The following KLF8 variants were observed in gnomAD, a reference collection of about 807,000 sequenced individuals.
KLF8 encodes the protein KLF transcription factor 8.
A neutral mutation model predicts 18.2 loss-of-function variants in KLF8; 10 were observed. That is an observed-to-expected ratio of 0.55 (90% CI 0.34 to 0.93). KLF8 has a LOEUF of 0.93. Ranked by LOEUF, KLF8 falls within the 40% of genes least tolerant of loss-of-function variation. The pLI, the probability that KLF8 is intolerant of heterozygous loss-of-function variation, is 0.02. For synonymous variants in KLF8, 109 were observed against 97.3 expected, an observed-to-expected ratio of 1.12 and a Z score of -0.71; for missense variants, 264 against 277.9, an observed-to-expected ratio of 0.95 and a Z score of 0.36.
intron 2 of KLF8, among the ~76,000 whole-genome samples, chrX:56,254,813 C>T (rs1047660429): frequency 2.7e-5 from 3 of 111,465 alleles, no homozygotes; most frequent in Non-Finnish European, 5.6e-5. Flanking sequence ...CCTCTTTCTG[C>T]CAGCTGAGCC....
chrX:55,955,992 T>C, the KLF8 span, among the ~76,000 whole-genome samples: 1 of 111,398 alleles, frequency 9.0e-6, no homozygotes, highest in South Asian at 3.7e-4. Context: ...AGAGGAGATA[T>C]GCACTGACCA....
At chrX:56,088,055 C>A in the KLF8 span, among the ~76,000 whole-genome samples, 1 of 111,090 alleles carries the variant, frequency 9.0e-6, no homozygotes, top group African/African-American at 3.3e-5. Context: ...AATCCACATA[C>A]AATTGCCTTG....
At chrX:55,974,341 TAGAAAA>T in the KLF8 span, among the ~76,000 whole-genome samples, 2 of 110,496 alleles carry the variant, frequency 1.8e-5, no homozygotes, top group Non-Finnish European at 3.8e-5. Context: ...GAAACAGAAA[TAGAAAA>T]AGAGTTGTAG....
At chrX:56,083,450 T>C in the KLF8 span, among the ~76,000 whole-genome samples, 1 of 112,397 alleles carries the variant, frequency 8.9e-6, no homozygotes, top group African/African-American at 3.2e-5. Context: ...TTAAAGATTC[T>C]AGAACATGCC....
chrX:55,924,886 C>T, the KLF8 span, among the ~76,000 whole-genome samples: 1 of 79,015 alleles, frequency 1.3e-5, no homozygotes, highest in South Asian at 9.7e-4. Context: ...GAGGGAGCCT[C>T]GCTCTGTCTC....
At chrX:56,039,468 TC>T in the KLF8 span, among the ~76,000 whole-genome samples, 2 of 112,033 alleles carry the variant, frequency 1.8e-5, no homozygotes, top group African/African-American at 6.5e-5. Context: ...AAATAGGGAA[TC>T]CTTTCTCCAT....
the KLF8 span, among the ~76,000 whole-genome samples, chrX:55,988,319 G>A: frequency 9.0e-6 from 1 of 111,122 alleles, no homozygotes; most frequent in Non-Finnish European, 1.9e-5. Context: ...TTCTTCTAGG[G>A]TTTTTATGGT....
chrX:56,187,801 T>A, the KLF8 span, among the ~76,000 whole-genome samples: 1 of 110,001 alleles, frequency 9.1e-6, no homozygotes, highest in African/African-American at 3.4e-5. Context: ...GATGCAGAAA[T>A]GGCCTTTGAC....
the KLF8 span, among the ~76,000 whole-genome samples, chrX:55,933,719 C>T: frequency 4.5e-5 from 5 of 112,085 alleles, no homozygotes; most frequent in South Asian, 1.8e-3. Context: ...TGCTTTCCCA[C>T]AATTTTTTCT....
At chrX:55,919,588 G>A in the KLF8 span, among the ~76,000 whole-genome samples, 1 of 110,933 alleles carries the variant, frequency 9.0e-6, no homozygotes, top group Admixed American at 9.6e-5. Flanking sequence ...GCTGGGTGAG[G>A]CCTGTGACTG....
intron 2 of KLF8, among the ~76,000 whole-genome samples, chrX:56,251,834 A>T (rs1346295011): frequency 1.8e-5 from 2 of 111,362 alleles, no homozygotes; most frequent in Non-Finnish European, 3.8e-5. Context: ...TCATACAGGC[A>T]TGCAATGTGA....
chrX:56,012,301 C>T, the KLF8 span, among the ~76,000 whole-genome samples: 9 of 111,426 alleles, frequency 8.1e-5, no homozygotes, highest in Admixed American at 4.8e-4. Context: ...GATGCAAGGC[C>T]GATTCAACCC....
chrX:56,055,636 T>C, the KLF8 span, among the ~76,000 whole-genome samples: 1 of 112,460 alleles, frequency 8.9e-6, no homozygotes, highest in Admixed American at 9.4e-5. Context: ...GAAGTTCTCA[T>C]GGATGATAAT....
At chrX:56,173,653 G>A in the KLF8 span, among the ~76,000 whole-genome samples, 1 of 111,928 alleles carries the variant, frequency 8.9e-6, no homozygotes, top group African/African-American at 3.2e-5. Context: ...TTGGTAGCTT[G>A]ATGGGGATAG....
At chrX:56,123,785 G>A in the KLF8 span, among the ~76,000 whole-genome samples, 6 of 111,857 alleles carry the variant, frequency 5.4e-5, no homozygotes, top group African/African-American at 1.6e-4. Flanking sequence ...ATGACATTTT[G>A]GTAGAAAATA....
Position 56,286,835 on chromosome X carries a change from G to A in KLF8, c.*2341G>A, listed in dbSNP as rs754691121. On this transcript the variant is annotated 3_prime_UTR_variant, in exon 6 of 6. Transcript: ENST00000468660. ...CATAATAATTGCTAACGCACTAGGC[G>A]ATATCTAGGGCCAGTCTGTTAAAGG... 10 of 111,950 alleles carry A rather than the reference G, an allele frequency of 8.9e-5. No individual in the cohort carries two copies. Among genetic ancestry groups the A allele is most frequent in the Non-Finnish European group, 1.7e-4 (9 of 53,193 alleles). The allele number at this position is 111,950 out of a possible 1,213,427, so 9.2% of individuals were successfully genotyped here. A position where few individuals can be genotyped will look rare whatever the true frequency, so the allele number is the denominator to read the frequency against.
chrX:56,281,543 G>A (rs1233126489), intron 5 of KLF8, among the ~76,000 whole-genome samples: 4 of 111,110 alleles, frequency 3.6e-5, no homozygotes, highest in African/African-American at 1.3e-4. Context: ...CCAAGTAGCG[G>A]GACTACAGGT....
chrX:56,150,756 C>G, the KLF8 span, among the ~76,000 whole-genome samples: 1 of 111,236 alleles, frequency 9.0e-6, no homozygotes, highest in Non-Finnish European at 1.9e-5. Context: ...CTGTTTCATC[C>G]AGAATTGCAG....
chrX:56,068,552 A>G, the KLF8 span, among the ~76,000 whole-genome samples: 4 of 111,429 alleles, frequency 3.6e-5, no homozygotes, highest in African/African-American at 9.8e-5. Context: ...GGAGTGTATG[A>G]TTCCACCCAC....
Sources: allele counts gnomAD v4.1 joint callset (sites outside exome capture counted in the v4.1 genomes callset), GRCh38; gene constraint gnomAD v4.1.1; transcripts MANE v1.5; gene names NCBI Gene and HGNC (gene_info 2026-07-23, HGNC 2026-07-21).